The following TUBAL3 variants were observed in gnomAD, a reference collection of about 807,000 sequenced individuals.
TUBAL3 encodes tubulin alpha chain-like 3.
A neutral mutation model predicts 15.5 loss-of-function variants in TUBAL3; 16 were observed. The ratio of observed to expected loss-of-function variants is 1.04; its 90% CI spans 0.70 to 1.57. The LOEUF (loss-of-function observed/expected upper bound fraction) is 1.57, where lower values mean the gene tolerates loss of function less well. Among genes scored for constraint, TUBAL3 ranks in the 40% most tolerant of loss-of-function variants. TUBAL3 has a pLI of 0.00. For synonymous variants in TUBAL3, 238 were observed against 224.3 expected, an observed-to-expected ratio of 1.06 and a Z score of -0.55; for missense variants, 609 against 576.2, an observed-to-expected ratio of 1.06 and a Z score of -0.58.
chr10:5,393,984 G>A lies in TUBAL3; in HGVS notation c.874C>T (p.Gln292Ter). The change falls in exon 4 of 4, where the codon CAG (glutamine) becomes TAG (stop). Residue 292 changes from glutamine to a stop codon, truncating the protein, a stop_gained. Coordinates refer to ENST00000380419, the MANE Select transcript of TUBAL3 (RefSeq NM_024803.3). LOFTEE classifies it low-confidence loss of function (END_TRUNC). ...IVSADKAYHE[Q>*]FSVSDITTAC... Reference sequence around the variant, plus strand: ...GTGGTGATGTCTGACACAGAGAACTGCTCATGGTAGGCTTTGTCAGCAGAG... The same window carrying A: ...GTGGTGATGTCTGACACAGAGAACTACTCATGGTAGGCTTTGTCAGCAGAG... 1 of 1,614,222 alleles carries A rather than the reference G, an allele frequency of 6.2e-7. No individual in the cohort carries two copies. Among genetic ancestry groups the A allele is most frequent in the East Asian group, 2.2e-5 (1 of 44,882 alleles).
chr10:5,393,103 C>T lies in TUBAL3; in HGVS notation c.*414G>A, dbSNP rs1831701741. On this transcript the variant is annotated 3_prime_UTR_variant, in exon 4 of 4. Transcript: ENST00000380419. ...ATTTCAAAGAAGAATAAGAATCATA[C>T]TGAAAATATTTATGATTTAATCAGT... 1 of 157,054 alleles carries T rather than the reference C, an allele frequency of 6.4e-6. No individual in the cohort carries two copies. The highest frequency in any genetic ancestry group is 1.4e-5 in the Non-Finnish European group (1 of 71,572). 9.7% of individuals were successfully genotyped at this position (157,054 alleles called of 1,614,324 possible). A position where few individuals can be genotyped will look rare whatever the true frequency, so the allele number is the denominator to read the frequency against.
In TUBAL3 at chr10:5,396,295, G is replaced by T. The variant is rs112764418; in HGVS notation, c.248-820C>A. ...GGCTGAGGCAGGTGGATCACTTGAG[G>T]TCAGGAGCTTGAGACCAGCCTGGCC... On this transcript the variant is annotated intron_variant, in intron 2 of 3. Transcript: ENST00000380419. This position sits in a 1 kb window ranked among gnomAD's most constrained non-coding sequence, Gnocchi z 5.1. Among the ~76,000 whole-genome samples the T allele has an allele frequency of 6.6e-6, 1 of 152,072 alleles. No homozygotes were observed. The highest frequency in any genetic ancestry group is 2.1e-4 in the South Asian group (1 of 4,830).
intron 2 of TUBAL3, among the ~76,000 whole-genome samples, chr10:5,399,608 G>A (rs10795272): frequency 0.67 from 101,538 of 152,102 alleles, 34,079 homozygotes; most frequent in East Asian, 0.74. Context: ...TCTTCACGTC[G>A]AAGGCAAAAA....
chr10:5,403,739 C>T lies in TUBAL3; in HGVS notation c.3+1051G>A, dbSNP rs559708125. Among the ~76,000 whole-genome samples, 363 of 74,774 alleles carry T rather than the reference C, an allele frequency of 4.9e-3. 1 individual carries two copies. Among genetic ancestry groups the T allele is most frequent in the Non-Finnish European group, 8.3e-3 (321 of 38,616 alleles). The allele number at this position is 74,774 out of a possible 152,430, so 49.1% of individuals were successfully genotyped here. On this transcript the variant is annotated intron_variant, in intron 1 of 3. Transcript: ENST00000380419. ...CTTTGCCTTATTCTTCTCTTAGCCT[C>T]TCCCTTTTTTTCCAAATTCTCTATG...
chr10:5,401,643 G>A (rs1307697358), intron 1 of TUBAL3, among the ~76,000 whole-genome samples: 1 of 151,832 alleles, frequency 6.6e-6, no homozygotes, highest in African/African-American at 2.4e-5. Context: ...TAAAACTAGT[G>A]GGAAATTTTA....
chr10:5,401,179 CA>C, intron 1 of TUBAL3, 92 bp from the exon 2 acceptor site: 1 of 1,515,460 alleles, frequency 6.6e-7, no homozygotes, highest in Non-Finnish European at 8.9e-7. Flanking sequence ...TGACAGAAAC[CA>C]AGCTAGCTTA....
chr10:5,393,828 A>G lies in TUBAL3; in HGVS notation c.1030T>C (p.Ser344Pro). ...TCTACAAACTGAACAGAGTGCCTCG[A>G]CTTCGTGGCTGCGATTGCTGCATTC... ...EVNAAIAATK[S>P]RHSVQFVDWC... The change falls in exon 4 of 4, where the codon TCG becomes CCG. Residue 344 changes from serine (S) to proline (P), a missense_variant. Physicochemically the swap from Ser to Pro is moderately conservative, Grantham distance 74. Coordinates refer to ENST00000380419, the MANE Select transcript of TUBAL3 (RefSeq NM_024803.3). 1 of 1,614,172 alleles carries G rather than the reference A, an allele frequency of 6.2e-7. No individual in the cohort carries two copies. Among genetic ancestry groups the G allele is most frequent in the Non-Finnish European group, 8.5e-7 (1 of 1,180,034 alleles).
In TUBAL3 at chr10:5,395,367, G is replaced by A. The variant is rs782507211; in HGVS notation, c.356C>T (p.Ser119Leu). The A allele has an allele frequency of 5.0e-6, 8 of 1,602,122 alleles. No individual in the cohort carries two copies. Among genetic ancestry groups the A allele is most frequent in the African/African-American group, 1.3e-5 (1 of 74,500 alleles). ...CTCCAGCACAAGGTCGATGACCTCCGACCCCACAGAGTAACGGCCTCGCGC... is the reference window on the plus strand; with the variant it reads ...CTCCAGCACAAGGTCGATGACCTCCAACCCCACAGAGTAACGGCCTCGCGC... Reference protein sequence around the residue: ...NYARGRYSVGSEVIDLVLERT... With the variant: ...NYARGRYSVGLEVIDLVLERT... The change falls in exon 3 of 4, where the codon TCG (serine) becomes TTG (leucine). Residue 119 changes from serine (S) to leucine (L), a missense_variant. Coordinates refer to ENST00000380419, the MANE Select transcript of TUBAL3 (RefSeq NM_024803.3). The surrounding 1 kb of genome is among the most constrained non-coding windows in gnomAD (Gnocchi z 4.6).
chr10:5,401,992 A>C (rs539508200), intron 1 of TUBAL3, among the ~76,000 whole-genome samples: 2 of 152,348 alleles, frequency 1.3e-5, no homozygotes, highest in Non-Finnish European at 2.9e-5. Context: ...CCAAAAAAAA[A>C]AGATTTATGA....
chr10:5,394,314 G>A lies in TUBAL3; in HGVS notation c.544C>T (p.Pro182Ser), dbSNP rs1554813882. Reference protein sequence around the residue: ...TKLEFSVYPAPRISTAVVEPY... With the variant: ...TKLEFSVYPASRISTAVVEPY... ...TCTACCACAGCAGTGGAGATCCTGG[G>A]GGCTGGGTAGACCGAGAACTCCAGC... The change falls in exon 4 of 4, where the codon CCC becomes TCC. Residue 182 changes from proline (P) to serine (S), a missense_variant. Coordinates refer to ENST00000380419, the MANE Select transcript of TUBAL3 (RefSeq NM_024803.3). The surrounding 1 kb of genome is among the most constrained non-coding windows in gnomAD (Gnocchi z 4.3). 6.2e-7 allele frequency: 1 copy of A among 1,613,994 alleles called. No homozygotes were observed. The highest frequency in any genetic ancestry group is 8.5e-7 in the Non-Finnish European group (1 of 1,180,024).
Position 5,394,385 on chromosome 10 carries a change from G to T in TUBAL3, c.473C>A (p.Ser158Tyr), listed in dbSNP as rs782556112. 6 of 1,614,004 alleles carry T rather than the reference G, an allele frequency of 3.7e-6. No homozygotes were observed. Among genetic ancestry groups the T allele is most frequent in the Non-Finnish European group, 5.1e-6 (6 of 1,180,032 alleles). The change falls in exon 4 of 4, where the codon TCT becomes TAT. Residue 158 changes from serine (S) to tyrosine (Y), a missense_variant. Physicochemically the swap from Ser to Tyr is moderately radical, Grantham distance 144. Coordinates refer to ENST00000380419, the MANE Select transcript of TUBAL3 (RefSeq NM_024803.3). The surrounding 1 kb of genome is among the most constrained non-coding windows in gnomAD (Gnocchi z 4.3). Reference sequence around the variant, plus strand: ...TCCTGTGAGCCTCTCCATTAAGAGAGACGTAAACCCTGAACCAGTGCCTCC... The same window carrying T: ...TCCTGTGAGCCTCTCCATTAAGAGATACGTAAACCCTGAACCAGTGCCTCC... ...FGGGTGSGFTSLLMERLTGEY... is the reference protein window; with the variant it reads ...FGGGTGSGFTYLLMERLTGEY...
rs1414511169 is a variant in TUBAL3 at position 5,397,144 on chromosome 10, C to G, written c.248-1669G>C. Among the ~76,000 whole-genome samples the G allele has an allele frequency of 6.6e-6, 1 of 152,192 alleles. No homozygotes were observed. Among genetic ancestry groups the G allele is most frequent in the Non-Finnish European group, 1.5e-5 (1 of 68,036 alleles). On this transcript the variant is annotated intron_variant, in intron 2 of 3. Transcript: ENST00000380419. This position sits in a 1 kb window ranked among gnomAD's most constrained non-coding sequence, Gnocchi z 4.9. ...CCAGCCTTGGCAGCAGATAGCTGAG[C>G]CAGTCCTAGAAGCTCACAGCCTAAG...
At chr10:5,399,518 G>A (rs926266738) in intron 2 of TUBAL3, among the ~76,000 whole-genome samples, 5 of 152,288 alleles carry the variant, frequency 3.3e-5, no homozygotes, top group Non-Finnish European at 5.9e-5. Flanking sequence ...CTCCAGAATC[G>A]TGAGAAATCA....
At position 5,393,562 on chromosome 10, in the gene TUBAL3, C is replaced by A; in HGVS notation, c.1296G>T (p.Leu432=). Reference sequence around the variant, plus strand: ...CCTCATAGTCCCTCTCCAGGGCTGCCAGATCTTCCCTGGCCTCCAAGAACT... The same window carrying A: ...CCTCATAGTCCCTCTCCAGGGCTGCAAGATCTTCCCTGGCCTCCAAGAACT... The part of the protein sequence containing the change: ...EAEFLEARED[L]AALERDYEEV... Residue 432 remains leucine (L), a synonymous_variant, in exon 4 of 4, where the codon CTG becomes CTT. Coordinates refer to ENST00000380419, the MANE Select transcript of TUBAL3 (RefSeq NM_024803.3). 1 of 1,613,878 alleles carries A rather than the reference C, an allele frequency of 6.2e-7. No homozygotes were observed. Among genetic ancestry groups the A allele is most frequent in the Non-Finnish European group, 8.5e-7 (1 of 1,179,856 alleles).
At position 5,393,220 on chromosome 10, in the gene TUBAL3, G is replaced by A. The variant is rs1267383175; in HGVS notation, c.*297C>T. On this transcript the variant is annotated 3_prime_UTR_variant, in exon 4 of 4. Coordinates refer to ENST00000380419, the MANE Select transcript of TUBAL3 (RefSeq NM_024803.3). ...CCAGAAAGGAAAAGCATAAACTTCA[G>A]GATTTCATTGTCTCTTGGTAAAACA... 4 of 301,914 alleles carry A rather than the reference G, an allele frequency of 1.3e-5. No homozygotes were observed. The East Asian group carries it at 1.7e-4, about 13-fold the overall frequency. The allele number at this position is 301,914 out of a possible 1,614,324, so 18.7% of individuals were successfully genotyped here.
rs541968461 is a variant in TUBAL3, at chr10:5,395,187, C to T, written c.396+140G>A. 1 of 895,068 alleles carries T rather than the reference C, an allele frequency of 1.1e-6. No homozygotes were observed. Among genetic ancestry groups the T allele is most frequent in the East Asian group, 2.9e-5 (1 of 34,322 alleles). 55.4% of individuals were successfully genotyped at this position (895,068 alleles called of 1,614,324 possible). On this transcript the variant is annotated intron_variant, in intron 3 of 3. Transcript: ENST00000380419. The surrounding 1 kb of genome is among the most constrained non-coding windows in gnomAD (Gnocchi z 4.6). ...TCAAAGCCAAGATGAGAACCCCTCC[C>T]CAGTTCTGAGCACCCAGACCAGAGC...
At chr10:5,403,078 C>T (rs1488615052) in intron 1 of TUBAL3, among the ~76,000 whole-genome samples, 2 of 152,206 alleles carry the variant, frequency 1.3e-5, no homozygotes, top group African/African-American at 2.4e-5. Flanking sequence ...TGCTTCATGA[C>T]CAATTCAAGT....
At position 5,395,265 on chromosome 10, in the gene TUBAL3, C is replaced by T; in HGVS notation, c.396+62G>A. ...TGACAGCAGATAATGCTTGTGAGTT[C>T]TGCCGCAGGACCCCACATGCCCCAG... is the stretch of plus-strand genomic sequence containing the variant. On this transcript the variant is annotated intron_variant, in intron 3 of 3. Coordinates refer to ENST00000380419, the MANE Select transcript of TUBAL3 (RefSeq NM_024803.3). The surrounding 1 kb of genome is among the most constrained non-coding windows in gnomAD (Gnocchi z 4.6). 2.1e-6 allele frequency: 3 copies of T among 1,397,822 alleles called. No homozygotes were observed. The highest frequency in any genetic ancestry group is 2.8e-6 in the Non-Finnish European group (3 of 1,062,396). 86.6% of individuals were successfully genotyped at this position (1,397,822 alleles called of 1,614,324 possible).
chr10:5,400,412 A>G (rs1437220153), intron 2 of TUBAL3, among the ~76,000 whole-genome samples: 1 of 152,156 alleles, frequency 6.6e-6, no homozygotes, highest in Non-Finnish European at 1.5e-5. Context: ...CAGGTGGGTC[A>G]CTTGAGGTCG....
Sources: gnomAD v4.1 joint callset for allele counts (sites outside exome capture counted in the v4.1 genomes callset) on GRCh38, gnomAD v4.1.1 for gene constraint, Gnocchi (gnomAD v3.1) non-coding constraint, MANE v1.5 for transcripts, NCBI Gene and HGNC (gene_info 2026-07-23, HGNC 2026-07-21) for gene names.